DENND1A: variants seen among roughly 807,000 people sequenced by gnomAD.
DENND1A encodes the protein DENN domain containing 1A, also known as DENN domain-containing protein 1A.
A neutral mutation model predicts 113.7 loss-of-function variants in DENND1A; 51 were observed. That is an observed-to-expected ratio of 0.45 (90% CI 0.36 to 0.57). The LOEUF (loss-of-function observed/expected upper bound fraction) is 0.57, where lower values mean the gene tolerates loss of function less well. Ranked by LOEUF, DENND1A falls within the 20% of genes least tolerant of loss-of-function variation. The probability of loss-of-function intolerance (pLI) is 0.00; values close to 1 mark genes in which losing one functional copy is unlikely to be tolerated. For missense variants in DENND1A, 1,258 were observed against 1,395.9 expected (o/e 0.90, Z 1.57); for synonymous variants, 565 against 570.8 (o/e 0.99, Z 0.14).
intron 18 of DENND1A, among the ~76,000 whole-genome samples, chr9:123,441,005 A>AT (rs561826481): frequency 6.6e-6 from 1 of 151,796 alleles, no homozygotes; most frequent in Non-Finnish European, 1.5e-5. Flanking sequence ...TAGGATTCTA[A>AT]TTTTTTTTTA....
At chr9:123,692,261 T>C (rs1264216768) in intron 5 of DENND1A, among the ~76,000 whole-genome samples, 1 of 152,240 alleles carries the variant, frequency 6.6e-6, no homozygotes, top group East Asian at 1.9e-4. Context: ...GTTAGGTAGA[T>C]GTCTACTCTC....
At chr9:123,781,616 G>A (rs1434937834) in intron 3 of DENND1A, among the ~76,000 whole-genome samples, 1 of 152,016 alleles carries the variant, frequency 6.6e-6, no homozygotes, top group Non-Finnish European at 1.5e-5. Context: ...TACTTTTCCT[G>A]CCAATTCTAC....
chr9:123,517,742 G>A (rs2134857697), intron 13 of DENND1A, among the ~76,000 whole-genome samples: 1 of 151,240 alleles, frequency 6.6e-6, no homozygotes, highest in Middle Eastern at 3.4e-3. Context: ...ATTTACAACT[G>A]ATTATTTACA....
At chr9:123,853,736 C>T (rs1221239003) in intron 2 of DENND1A, among the ~76,000 whole-genome samples, 1 of 152,070 alleles carries the variant, frequency 6.6e-6, no homozygotes, top group Non-Finnish European at 1.5e-5. Context: ...TGAGGGTCTC[C>T]AAGAGATTTG....
At chr9:123,903,726 C>G (rs979967190) in intron 1 of DENND1A, among the ~76,000 whole-genome samples, 1 of 152,232 alleles carries the variant, frequency 6.6e-6, no homozygotes, top group South Asian at 2.1e-4. Flanking sequence ...GTCCTACACC[C>G]ACGGTGTCTC....
intron 13 of DENND1A, among the ~76,000 whole-genome samples, chr9:123,524,987 A>G (rs916981277): frequency 6.6e-6 from 1 of 152,222 alleles, no homozygotes; most frequent in Non-Finnish European, 1.5e-5. Flanking sequence ...CAGGGAGTAG[A>G]TAGGCACTGC....
At chr9:123,536,467 A>C (rs79347113) in intron 13 of DENND1A, among the ~76,000 whole-genome samples, 2 of 89,632 alleles carry the variant, frequency 2.2e-5, no homozygotes, top group Non-Finnish European at 4.3e-5. Flanking sequence ...CTCTGTCTCC[A>C]AAAAAAAAAA....
At chr9:123,496,101 G>A (rs538099085) in intron 13 of DENND1A, among the ~76,000 whole-genome samples, 5 of 152,188 alleles carry the variant, frequency 3.3e-5, no homozygotes, top group Admixed American at 6.5e-5. Context: ...TAATATACCC[G>A]GCCTTCATAC....
At chr9:123,854,807 G>T (rs931454140) in intron 2 of DENND1A, among the ~76,000 whole-genome samples, 3 of 150,918 alleles carry the variant, frequency 2.0e-5, no homozygotes, top group African/African-American at 7.4e-5. Flanking sequence ...CTCCTCTTCT[G>T]TCTCTTGGTC....
At chr9:123,410,788 G>A (rs2044244724) in intron 20 of DENND1A, among the ~76,000 whole-genome samples, 1 of 152,200 alleles carries the variant, frequency 6.6e-6, no homozygotes, top group South Asian at 2.1e-4. Flanking sequence ...GGGTTGTGGG[G>A]TACTCTTTGG....
intron 11 of DENND1A, among the ~76,000 whole-genome samples, chr9:123,602,381 TA>T (rs1291350163): frequency 6.6e-6 from 1 of 152,226 alleles, no homozygotes; most frequent in Non-Finnish European, 1.5e-5. Flanking sequence ...TTTTTCCAAA[TA>T]TTTTTGATCT....
At chr9:123,765,074 A>G (rs2071355056) in intron 4 of DENND1A, among the ~76,000 whole-genome samples, 1 of 152,166 alleles carries the variant, frequency 6.6e-6, no homozygotes, top group Non-Finnish European at 1.5e-5. Context: ...CACTGGTCCT[A>G]TGTCTGTGTG....
intron 5 of DENND1A, among the ~76,000 whole-genome samples, chr9:123,740,939 A>AGAGAGAGAGT (rs2068970077): frequency 1.4e-5 from 2 of 147,392 alleles, no homozygotes; most frequent in Non-Finnish European, 3.0e-5. Context: ...AGAGAGAGAG[A>AGAGAGAGAGT]GAGTATGGAC....
intron 2 of DENND1A, among the ~76,000 whole-genome samples, chr9:123,832,841 TA>T (rs1291446885): frequency 6.6e-6 from 1 of 152,032 alleles, no homozygotes; most frequent in Non-Finnish European, 1.5e-5. Flanking sequence ...TATTAGAAGT[TA>T]AGATAATGGT....
At chr9:123,608,340 G>A (rs927682687) in intron 11 of DENND1A, among the ~76,000 whole-genome samples, 2 of 152,084 alleles carry the variant, frequency 1.3e-5, no homozygotes, top group African/African-American at 4.8e-5. Context: ...GGTCCTCGTC[G>A]ACGTGAAATG....
chr9:123,427,105 C>A (rs529056253), intron 19 of DENND1A, among the ~76,000 whole-genome samples: 47 of 152,354 alleles, frequency 3.1e-4, no homozygotes, highest in African/African-American at 1.1e-3. Context: ...CCCTGAGGAC[C>A]AAACTTGTTG....
At chr9:123,388,589 G>A (rs1200933337) in intron 21 of DENND1A, among the ~76,000 whole-genome samples, 2 of 152,078 alleles carry the variant, frequency 1.3e-5, no homozygotes, top group African/African-American at 4.8e-5. Context: ...CCTCTTCAGA[G>A]AGTCTTTTTC....
At chr9:123,749,125 G>C (rs756567188) in intron 5 of DENND1A, among the ~76,000 whole-genome samples, 1 of 152,108 alleles carries the variant, frequency 6.6e-6, no homozygotes, top group East Asian at 1.9e-4. Context: ...GCCATATCAC[G>C]GGCAAAACCC....
chr9:123,642,590 A>C (rs2062086135), intron 9 of DENND1A, among the ~76,000 whole-genome samples: 2 of 152,232 alleles, frequency 1.3e-5, no homozygotes, highest in African/African-American at 2.4e-5. Flanking sequence ...TTATTTTTTA[A>C]ATAGAACACT....
Sources: gnomAD v4.1 joint callset for allele counts (sites outside exome capture counted in the v4.1 genomes callset) on GRCh38, gnomAD v4.1.1 for gene constraint, MANE v1.5 for transcripts, NCBI Gene and HGNC (gene_info 2026-07-23, HGNC 2026-07-21) for gene names.